The following RNF213 variants were observed in gnomAD, a reference collection of about 807,000 sequenced individuals.
RNF213 encodes ring finger protein 213.
Under a neutral mutation model 514.4 loss-of-function variants are expected in RNF213, and 341 were observed. The ratio of observed to expected loss-of-function variants is 0.66; its 90% CI spans 0.61 to 0.73. The LOEUF is 0.73. Ranked by LOEUF, RNF213 falls within the 30% of genes least tolerant of loss-of-function variation. The pLI is 0.00. For missense variants in RNF213, 5,767 were observed against 6,615.6 expected (o/e 0.87, Z 4.45); for synonymous variants, 2,655 against 2,658.2 (o/e 1.00, Z 0.04).
At position 80,363,741 on chromosome 17, in the gene RNF213, C is replaced by T. The variant is rs1555673884; in HGVS notation, c.11701C>T (p.His3901Tyr). 2.5e-6 allele frequency: 4 copies of T among 1,613,774 alleles called. No individual in the cohort carries two copies. Among genetic ancestry groups the T allele is most frequent in the South Asian group, 2.2e-5 (2 of 91,076 alleles). ...MPLELICSDEHMQGSGSLAQA... is the reference protein window; with the variant it reads ...MPLELICSDEYMQGSGSLAQA... The stretch of plus-strand genomic sequence containing the variant: ...GCTGGAGCTCATCTGCTCCGATGAG[C>T]ACATGCAAGGCAGCGGGAGCCTGGC... Residue 3901 changes from histidine (H) to tyrosine (Y), a missense_variant, in exon 41 of 68, where the codon CAC becomes TAC. Transcript: ENST00000582970.
intron 20 of RNF213, among the ~76,000 whole-genome samples, chr17:80,329,439 T>G (rs1031760099): frequency 7.9e-5 from 12 of 152,238 alleles, no homozygotes; most frequent in African/African-American, 2.9e-4. Flanking sequence ...CAGTTACACA[T>G]CCTTCATGTG....
Position 80,381,639 on chromosome 17 carries a change from G to A in RNF213, c.13890G>A (p.Met4630Ile). The change falls in exon 57 of 68, where the codon ATG becomes ATA. Residue 4630 changes from methionine (M) to isoleucine (I), a missense_variant. This residue lies in a region of RNF213 where 1,245 missense variants were observed against 1,339.0 expected (regional missense o/e 0.93). Coordinates refer to ENST00000582970, the MANE Select transcript of RNF213 (RefSeq NM_001256071.3). The part of the protein sequence containing the change: ...ILKDLEQLAK[M>I]LGHSADETIG... ...AGGACCTGGAGCAGTTGGCCAAGAT[G>A]CTGGGACACAGTGCCGACGAGACCA... The A allele has an allele frequency of 6.2e-7, 1 of 1,614,254 alleles. No homozygotes were observed. The highest frequency in any genetic ancestry group is 8.5e-7 in the Non-Finnish European group (1 of 1,180,044).
chr17:80,366,168 C>T (rs749404005), intron 42 of RNF213, among the ~76,000 whole-genome samples: 8 of 152,192 alleles, frequency 5.3e-5, no homozygotes, highest in African/African-American at 1.2e-4. Flanking sequence ...CTGGCTCCCT[C>T]GGCCGGGCAG....
In RNF213 at chr17:80,343,156, T is replaced by C; in HGVS notation, c.6014T>C (p.Leu2005Ser). 1 of 1,614,042 alleles carries C rather than the reference T, an allele frequency of 6.2e-7. No homozygotes were observed. The highest frequency in any genetic ancestry group is 8.5e-7 in the Non-Finnish European group (1 of 1,179,922). Reference sequence around the variant, plus strand: ...GGAAAGTCTCTGTACGTGAAGAGGTTGCACGACAAAATGAAGATGCAGTTA... The same window carrying C: ...GGAAAGTCTCTGTACGTGAAGAGGTCGCACGACAAAATGAAGATGCAGTTA... ...GVGKSLYVKRLHDKMKMQLNV... is the reference protein window; with the variant it reads ...GVGKSLYVKRSHDKMKMQLNV... The change falls in exon 27 of 68, where the codon TTG (leucine) becomes TCG (serine). Residue 2005 changes from leucine to serine, a missense_variant. Coordinates refer to ENST00000582970, the MANE Select transcript of RNF213 (RefSeq NM_001256071.3). The surrounding 1 kb of genome is among the most constrained non-coding windows in gnomAD (Gnocchi z 4.3).
rs781299205 is a variant in RNF213, at chr17:80,348,319, CT to C, written c.9951+34del. 6 of 1,604,616 alleles carry C rather than the reference CT, an allele frequency of 3.7e-6. No homozygotes were observed. In the East Asian group the frequency reaches 6.7e-5, roughly 18 times the overall value. The stretch of plus-strand genomic sequence containing the variant: ...TCTTTCTGCACTTGTACCCTATCCC[CT>C]GTCACCCAAGAGTCCTAAATCCCTC... On this transcript the variant is annotated intron_variant, in intron 29 of 67. Coordinates refer to ENST00000582970, the MANE Select transcript of RNF213 (RefSeq NM_001256071.3).
intron 11 of RNF213, among the ~76,000 whole-genome samples, chr17:80,299,534 GTTTATTTATTTA>G (rs149502065): frequency 1.1e-4 from 16 of 149,864 alleles, no homozygotes; most frequent in East Asian, 2.0e-4. Context: ...ACCAGAGAAA[GTTTATTTATTTA>G]TTTATTTATT....
At chr17:80,332,969 T>C (rs2046456685) in intron 21 of RNF213, among the ~76,000 whole-genome samples, 1 of 152,074 alleles carries the variant, frequency 6.6e-6, no homozygotes, top group African/African-American at 2.4e-5. Flanking sequence ...CAAAACACTT[T>C]GTCGGCTGCC....
intron 36 of RNF213, among the ~76,000 whole-genome samples, chr17:80,356,007 CT>C (rs71365599): frequency 0.17 from 25,238 of 147,394 alleles, 2,643 homozygotes; most frequent in African/African-American, 0.31. Flanking sequence ...TCTCTTGATG[CT>C]TTTTTTTTTT....
chr17:80,288,199 C>G lies in RNF213; in HGVS notation c.646C>G (p.Leu216Val). ...TTCCATCCCCTCTGGGGGCAGAGGC[C>G]TGTCCCAGGAGGGGACCGGTCCCCC... Reference protein sequence around the residue: ...DASIPSGGRGLSQEGTGPPTS... With the variant: ...DASIPSGGRGVSQEGTGPPTS... The change falls in exon 4 of 68, where the codon CTG (leucine) becomes GTG (valine). Residue 216 changes from leucine (L) to valine (V), a missense_variant. Physicochemically the swap from Leu to Val is conservative, Grantham distance 32. Around this residue, in one of 13 missense-constraint regions of RNF213, gnomAD observed 509 missense variants for 496.7 expected, o/e 1.02. Coordinates refer to ENST00000582970, the MANE Select transcript of RNF213 (RefSeq NM_001256071.3). This position sits in a 1 kb window ranked among gnomAD's most constrained non-coding sequence, Gnocchi z 4.9. The G allele has an allele frequency of 6.2e-7, 1 of 1,612,890 alleles. No homozygotes were observed. Among genetic ancestry groups the G allele is most frequent in the Non-Finnish European group, 8.5e-7 (1 of 1,179,620 alleles).
rs1279588872 is a variant in RNF213 at position 80,343,389 on chromosome 17, G to A, written c.6183+64G>A. Reference sequence around the variant, plus strand: ...AAAGACGTGGTCCCCATGTCTCTGCGTGACTCCTCCCCGTGTATAGAATTC... The same window carrying A: ...AAAGACGTGGTCCCCATGTCTCTGCATGACTCCTCCCCGTGTATAGAATTC... On this transcript the variant is annotated intron_variant, in intron 27 of 67. Coordinates refer to ENST00000582970, the MANE Select transcript of RNF213 (RefSeq NM_001256071.3). The surrounding 1 kb of genome is among the most constrained non-coding windows in gnomAD (Gnocchi z 4.3). 4 of 1,365,618 alleles carry A rather than the reference G, an allele frequency of 2.9e-6. No homozygotes were observed. Among genetic ancestry groups the A allele is most frequent in the Admixed American group, 1.9e-5 (1 of 53,664 alleles). The allele number at this position is 1,365,618 out of a possible 1,614,324, so 84.6% of individuals were successfully genotyped here. A position where few individuals can be genotyped will look rare whatever the true frequency, so the allele number is the denominator to read the frequency against.
intron 44 of RNF213, 34 bp from the exon 45 acceptor site, chr17:80,369,468 C>T (rs2079425722): frequency 2.5e-6 from 4 of 1,599,166 alleles, no homozygotes; most frequent in Non-Finnish European, 3.4e-6. Flanking sequence ...TTGGGAAACA[C>T]CATCCACCTG....
In RNF213 at chr17:80,343,925, G is replaced by A; in HGVS notation, c.6252G>A (p.Gly2084=). 6.2e-7 allele frequency: 1 copy of A among 1,614,168 alleles called. No individual in the cohort carries two copies. Among genetic ancestry groups the A allele is most frequent in the South Asian group, 1.1e-5 (1 of 91,076 alleles). Residue 2084 remains glycine, a synonymous_variant, in exon 28 of 68, where the codon GGG becomes GGA. Transcript: ENST00000582970. The surrounding 1 kb of genome is among the most constrained non-coding windows in gnomAD (Gnocchi z 4.3). ...LILQYLMDIN[G]KMWLRNPCHL... Reference sequence around the variant, plus strand: ...TACAATACTTAATGGATATAAATGGGAAAATGTGGCTTCGGAACCCCTGCC... The same window carrying A: ...TACAATACTTAATGGATATAAATGGAAAAATGTGGCTTCGGAACCCCTGCC...
At chr17:80,265,845 G>C (rs1206108058) in intron 2 of RNF213, among the ~76,000 whole-genome samples, 1 of 152,168 alleles carries the variant, frequency 6.6e-6, no homozygotes, top group Non-Finnish European at 1.5e-5. Flanking sequence ...CAAGGTGGGA[G>C]GATCACTTGA....
Position 80,353,037 on chromosome 17 carries a change from C to G in RNF213, c.10401C>G (p.Phe3467Leu). 1 of 1,613,196 alleles carries G rather than the reference C, an allele frequency of 6.2e-7. No individual in the cohort carries two copies. Among genetic ancestry groups the G allele is most frequent in the East Asian group, 2.2e-5 (1 of 44,884 alleles). Reference sequence around the variant, plus strand: ...AGCATGTCACCATCAGCCAGCTGTTCGCGCCCGGAGACTTGCCTGAGCGTG... The same window carrying G: ...AGCATGTCACCATCAGCCAGCTGTTGGCGCCCGGAGACTTGCCTGAGCGTG... Reference protein sequence around the residue: ...RLQHVTISQLFAPGDLPELGL... With the variant: ...RLQHVTISQLLAPGDLPELGL... Residue 3467 changes from phenylalanine to leucine, a missense_variant, in exon 33 of 68, where the codon TTC (phenylalanine) becomes TTG (leucine). Phe to Leu is a conservative substitution (Grantham distance 22). Around this residue, in one of 13 missense-constraint regions of RNF213, gnomAD observed 919 missense variants for 1,121.0 expected, o/e 0.82. Transcript: ENST00000582970. This position sits in a 1 kb window ranked among gnomAD's most constrained non-coding sequence, Gnocchi z 5.0.
At chr17:80,364,376 C>T in intron 41 of RNF213, 57 bp from the exon 42 acceptor site, 2 of 1,612,740 alleles carry the variant, frequency 1.2e-6, no homozygotes, top group Non-Finnish European at 1.7e-6. Context: ...CTCGTTTCAC[C>T]CTTGGGTTCC....
intron 39 of RNF213, among the ~76,000 whole-genome samples, chr17:80,362,276 A>AATTTATGT (rs1365048488): frequency 6.6e-6 from 1 of 152,256 alleles, no homozygotes; most frequent in Non-Finnish European, 1.5e-5. Flanking sequence ...AAAAATTTTA[A>AATTTATGT]ACTTCAGTAC....
chr17:80,359,524 C>CA lies in RNF213; in HGVS notation c.11055-509dup, dbSNP rs559552051. On this transcript the variant is annotated intron_variant, in intron 37 of 67. Coordinates refer to ENST00000582970, the MANE Select transcript of RNF213 (RefSeq NM_001256071.3). ...GTGGTGACAGAGTGAGACTCTATCT[C>CA]AAAAAAAAAAAAAAAAAAAAAAAAA... Among the ~76,000 whole-genome samples the CA allele has an allele frequency of 5.6e-3, 181 of 32,484 alleles. 25 individuals are homozygous for CA. The highest frequency in any genetic ancestry group is 0.016 in the African/African-American group (116 of 7,310). The allele number at this position is 32,484 out of a possible 152,430, so 21.3% of individuals were successfully genotyped here. A position where few individuals can be genotyped will look rare whatever the true frequency, so the allele number is the denominator to read the frequency against.
chr17:80,348,220 C>A lies in RNF213; in HGVS notation c.9885C>A (p.Ser3295=), dbSNP rs957333053. The change falls in exon 29 of 68, where the codon TCC becomes TCA. Residue 3295 remains serine (S), a synonymous_variant. Coordinates refer to ENST00000582970, the MANE Select transcript of RNF213 (RefSeq NM_001256071.3). ...QEYFHRQRHN[S]FADFLQAHLH... ...ACTTTCACAGACAGAGGCACAACTC[C>A]TTTGCAGATTTCCTTCAGGCACACC... 3 of 1,614,110 alleles carry A rather than the reference C, an allele frequency of 1.9e-6. No individual in the cohort carries two copies. The South Asian group carries it at 3.3e-5, about 18-fold the overall frequency.
In RNF213 at chr17:80,345,693, G is replaced by A; in HGVS notation, c.7358G>A (p.Gly2453Glu). Reference protein sequence around the residue: ...ADTIKLVKVHGGTTADMIYSR... With the variant: ...ADTIKLVKVHEGTTADMIYSR... ...ACCATAAAGCTGGTCAAGGTGCACG[G>A]AGGAACAACTGCAGACATGATCTAC... Residue 2453 changes from glycine to glutamate, a missense_variant, in exon 29 of 68, where the codon GGA becomes GAA. Transcript: ENST00000582970. The surrounding 1 kb of genome is among the most constrained non-coding windows in gnomAD (Gnocchi z 6.0). The A allele has an allele frequency of 6.2e-7, 1 of 1,614,242 alleles. No individual in the cohort carries two copies. The highest frequency in any genetic ancestry group is 8.5e-7 in the Non-Finnish European group (1 of 1,180,058).
Sources: gnomAD v4.1 joint callset for allele counts (sites outside exome capture counted in the v4.1 genomes callset) on GRCh38, gnomAD v4.1.1 for gene constraint, gnomAD v4.1.1 regional missense constraint, Gnocchi (gnomAD v3.1) non-coding constraint, MANE v1.5 for transcripts, NCBI Gene and HGNC (gene_info 2026-07-23, HGNC 2026-07-21) for gene names.